Variants in THOC7 observed in about 807,000 individuals in gnomAD.
The protein encoded by THOC7 is NIF3L1-binding protein 1.
In THOC7, 22 loss-of-function variants were observed where a neutral mutation model predicts 33.1. The observed-to-expected ratio is 0.66, with a 90% CI of 0.47 to 0.95. THOC7 has a LOEUF of 0.95. Among genes scored for constraint, THOC7 ranks in the 40% least tolerant of loss-of-function variants. The pLI is 0.00. For synonymous variants in THOC7, 77 were observed against 76.8 expected (o/e 1.00, Z -0.01); for missense variants, 184 against 245.3 (o/e 0.75, Z 1.67).
At chr3:63,844,859 C>T (rs971785494) in intron 1 of THOC7, among the ~76,000 whole-genome samples, 10 of 152,186 alleles carry the variant, frequency 6.6e-5, no homozygotes, top group African/African-American at 2.4e-4. Context: ...CTCTGGTATT[C>T]TATTACAGCC....
At chr3:63,863,575 T>C in intron 1 of THOC7, 197 bp downstream of exon 1, 1 of 1,196,738 alleles carries the variant, frequency 8.4e-7, no homozygotes, top group Non-Finnish European at 1.0e-6. Flanking sequence ...GCTCGGGCTC[T>C]GGCGAGAGGA....
At chr3:63,837,760 A>T (rs1701663938) in intron 4 of THOC7, among the ~76,000 whole-genome samples, 1 of 152,090 alleles carries the variant, frequency 6.6e-6, no homozygotes, top group South Asian at 2.1e-4. Flanking sequence ...GAAAAGAAAT[A>T]CTTGGATAAT....
chr3:63,844,361 C>T (rs1313664004), intron 1 of THOC7, among the ~76,000 whole-genome samples: 1 of 152,158 alleles, frequency 6.6e-6, no homozygotes, highest in African/African-American at 2.4e-5. Context: ...ATGTGATATG[C>T]TCTCACCACA....
chr3:63,849,330 G>T (rs1287260963), intron 1 of THOC7, among the ~76,000 whole-genome samples: 2 of 152,190 alleles, frequency 1.3e-5, no homozygotes. Flanking sequence ...GGAGGTTGCA[G>T]CGGGCCAAGA....
chr3:63,854,221 G>C (rs1340873031), intron 1 of THOC7, among the ~76,000 whole-genome samples: 1 of 152,176 alleles, frequency 6.6e-6, no homozygotes, highest in East Asian at 1.9e-4. Flanking sequence ...AAAAAGGTAA[G>C]CTCTCAGTTT....
intron 1 of THOC7, among the ~76,000 whole-genome samples, chr3:63,857,757 G>A (rs926300669): frequency 9.9e-5 from 15 of 152,090 alleles, no homozygotes; most frequent in African/African-American, 3.1e-4. Context: ...GGTAAATTAC[G>A]TGCACCAAAA....
chr3:63,848,590 T>C (rs1416590167), intron 1 of THOC7: 5 of 152,234 alleles, frequency 3.3e-5, no homozygotes, highest in African/African-American at 1.2e-4. Flanking sequence ...CTCCTGATGC[T>C]GTGGCATGTC....
At position 63,835,235 on chromosome 3, in the gene THOC7, A is replaced by T; in HGVS notation, c.478-12T>A. The T allele has an allele frequency of 1.9e-6, 3 of 1,613,586 alleles. No homozygotes were observed. Among genetic ancestry groups the T allele is most frequent in the Non-Finnish European group, 2.5e-6 (3 of 1,179,740 alleles). ...CGTCTCAATTCCAGCTGTGTTAACA[A>T]GAAAAAAATTTATACAAATGACCTG... On this transcript the variant is annotated splice_polypyrimidine_tract_variant and intron_variant, in intron 6 of 7. Coordinates refer to ENST00000295899, the MANE Select transcript of THOC7 (RefSeq NM_025075.4).
At chr3:63,863,844 GC>G, upstream of THOC7, 1 of 1,221,052 alleles carries the variant, frequency 8.2e-7, no homozygotes, top group Non-Finnish European at 1.0e-6. Context: ...GCGGCGGTTG[GC>G]GGCGGCGGAG....
chr3:63,846,941 C>A (rs1701910734), intron 1 of THOC7, among the ~76,000 whole-genome samples: 1 of 152,100 alleles, frequency 6.6e-6, no homozygotes, highest in Admixed American at 6.5e-5. Context: ...CCATGACAAC[C>A]AGCAACCTAG....
Position 63,838,069 on chromosome 3 carries a change from G to A in THOC7, c.266-7C>T. 6.3e-7 allele frequency: 1 copy of A among 1,583,202 alleles called. No individual in the cohort carries two copies. Among genetic ancestry groups the A allele is most frequent in the Non-Finnish European group, 8.5e-7 (1 of 1,169,604 alleles). ...GCTCCAGCTATGCTACATTCTATAT[G>A]AGAAGGTTTTTTAAAAGATAGTTGT... On this transcript the variant is annotated splice_region_variant and splice_polypyrimidine_tract_variant and intron_variant, in intron 3 of 7. Coordinates refer to ENST00000295899, the MANE Select transcript of THOC7 (RefSeq NM_025075.4).
intron 1 of THOC7, among the ~76,000 whole-genome samples, chr3:63,862,017 C>T (rs1299845506): frequency 6.6e-6 from 1 of 152,124 alleles, no homozygotes; most frequent in Non-Finnish European, 1.5e-5. Flanking sequence ...TCTTGAACTT[C>T]TGAGCTCAAG....
At chr3:63,843,639 G>A (rs1376945844) in intron 1 of THOC7, among the ~76,000 whole-genome samples, 16 of 151,986 alleles carry the variant, frequency 1.1e-4, no homozygotes, top group Non-Finnish European at 1.9e-4. Context: ...GGTGGCTCAC[G>A]CCTGTAATCC....
chr3:63,853,821 T>C (rs971667789), intron 1 of THOC7, among the ~76,000 whole-genome samples: 3 of 149,558 alleles, frequency 2.0e-5, no homozygotes, highest in Non-Finnish European at 3.0e-5. Context: ...GGCAGGAGAA[T>C]GGCGTGAACC....
chr3:63,846,669 C>CTT (rs1701904656), intron 1 of THOC7, among the ~76,000 whole-genome samples: 1 of 152,104 alleles, frequency 6.6e-6, no homozygotes, highest in Non-Finnish European at 1.5e-5. Flanking sequence ...CCTCGGCCTC[C>CTT]TAAAGTGCGG....
At chr3:63,844,278 G>A (rs1179132636) in intron 1 of THOC7, among the ~76,000 whole-genome samples, 1 of 152,150 alleles carries the variant, frequency 6.6e-6, no homozygotes, top group African/African-American at 2.4e-5. Flanking sequence ...AATTTCAAGA[G>A]ACCTAATTGT....
chr3:63,840,917 A>G (rs770070554), intron 1 of THOC7, among the ~76,000 whole-genome samples: 7 of 152,258 alleles, frequency 4.6e-5, no homozygotes, highest in African/African-American at 9.6e-5. Flanking sequence ...TTCTGACCCC[A>G]TAATTCCAAT....
chr3:63,863,496 C>T (rs142023103), intron 1 of THOC7: 8 of 1,179,588 alleles, frequency 6.8e-6, no homozygotes, highest in Non-Finnish European at 8.4e-6. Context: ...ACCACGCTCC[C>T]GGCACACCCT....
chr3:63,839,401 A>G (rs1182958723), intron 2 of THOC7, among the ~76,000 whole-genome samples: 2 of 152,214 alleles, frequency 1.3e-5, no homozygotes, highest in African/African-American at 4.8e-5. Flanking sequence ...CTTATGTCCT[A>G]AAAGTAACCA....
Sources: gnomAD v4.1 joint callset for allele counts (sites outside exome capture counted in the v4.1 genomes callset) on GRCh38, gnomAD v4.1.1 for gene constraint, MANE v1.5 for transcripts, NCBI Gene and HGNC (gene_info 2026-07-23, HGNC 2026-07-21) for gene names.